NCOA2: variants seen among roughly 807,000 people sequenced by gnomAD.
NCOA2 encodes the protein nuclear receptor coactivator 2.
Under a neutral mutation model 145.1 loss-of-function variants are expected in NCOA2, and 21 were observed. The observed-to-expected ratio is 0.14, with a 90% CI of 0.10 to 0.21. The LOEUF (loss-of-function observed/expected upper bound fraction) is 0.21. Ranked by LOEUF, NCOA2 falls within the 10% of genes least tolerant of loss-of-function variation. The pLI, the probability that NCOA2 is intolerant of heterozygous loss-of-function variation, is 1.00. For synonymous variants in NCOA2, 619 were observed against 637.5 expected, an observed-to-expected ratio of 0.97 and a Z score of 0.44; for missense variants, 1,472 against 1,837.6, an observed-to-expected ratio of 0.80 and a Z score of 3.64.
At chr8:70,238,565 G>A (rs554394082) in intron 2 of NCOA2, among the ~76,000 whole-genome samples, 3 of 152,242 alleles carry the variant, frequency 2.0e-5, no homozygotes, top group Admixed American at 2.0e-4. Context: ...TAACTATCTA[G>A]AAATACGTAA....
At chr8:70,449,163 A>C in the NCOA2 span, among the ~76,000 whole-genome samples, 1 of 152,332 alleles carries the variant, frequency 6.6e-6, no homozygotes, top group Middle Eastern at 3.4e-3. Flanking sequence ...TTATACATTA[A>C]GTGTAAACTG....
chr8:70,130,405 C>T (rs2131553544), intron 16 of NCOA2, among the ~76,000 whole-genome samples: 1 of 152,262 alleles, frequency 6.6e-6, no homozygotes, highest in South Asian at 2.1e-4. Context: ...TTACAAGTCA[C>T]TCAGCAACTC....
chr8:70,365,109 C>T (rs1468394239), intron 1 of NCOA2, among the ~76,000 whole-genome samples: 5 of 152,066 alleles, frequency 3.3e-5, no homozygotes, highest in African/African-American at 1.2e-4. Flanking sequence ...AAGGAGGGTG[C>T]ATCACTTGAA....
At chr8:70,351,810 T>G (rs1809271981) in intron 1 of NCOA2, among the ~76,000 whole-genome samples, 1 of 150,654 alleles carries the variant, frequency 6.6e-6, no homozygotes, top group Non-Finnish European at 1.5e-5. Flanking sequence ...GTCCAGGCTG[T>G]TCTCAAACTC....
chr8:70,225,702 G>A lies in NCOA2; in HGVS notation c.-19-8938C>T, dbSNP rs16936828. Among the ~76,000 whole-genome samples, 1,915 of 152,290 alleles carry A rather than the reference G, an allele frequency of 0.013. 90 individuals are homozygous for A. The East Asian group carries it at 0.16, about 13-fold the overall frequency. ...AAGTCCTCTCAGATGAGTGTTATCT[G>A]AGAGCTTTCTAACAGATCTCTAAGA... On this transcript the variant is annotated intron_variant, in intron 2 of 22. Transcript: ENST00000452400.
At chr8:70,442,131 GAAAGAAAGAAAGAAAGAAAGAAAGAAA>G in the NCOA2 span, among the ~76,000 whole-genome samples, 1 of 123,092 alleles carries the variant, frequency 8.1e-6, no homozygotes, top group South Asian at 2.7e-4. Flanking sequence ...AAGAAAGAAA[GAAAGAAAGAAAGAAAGAAAGAAAGAAA>G]GAAAGAGAAA....
At chr8:70,384,925 G>A (rs1427255111) in intron 1 of NCOA2, among the ~76,000 whole-genome samples, 1 of 152,156 alleles carries the variant, frequency 6.6e-6, no homozygotes, top group Non-Finnish European at 1.5e-5. Context: ...AATGTTAAGG[G>A]ATTGTAATAA....
At chr8:70,363,489 G>A (rs941436442) in intron 1 of NCOA2, among the ~76,000 whole-genome samples, 5 of 151,976 alleles carry the variant, frequency 3.3e-5, no homozygotes, top group Non-Finnish European at 7.4e-5. Context: ...AAATTTGTAG[G>A]CAAAAGTTTA....
chr8:70,306,213 G>A (rs1427507728), intron 1 of NCOA2, among the ~76,000 whole-genome samples: 1 of 152,150 alleles, frequency 6.6e-6, no homozygotes, highest in African/African-American at 2.4e-5. Context: ...CAACTACTGA[G>A]TTTCACAGAT....
intron 1 of NCOA2, among the ~76,000 whole-genome samples, chr8:70,379,447 C>G (rs144879503): frequency 2.1e-3 from 320 of 152,292 alleles, no homozygotes; most frequent in African/African-American, 7.3e-3. Flanking sequence ...AGTTCCCTAG[C>G]AGACTTCTGC....
At chr8:70,329,750 A>G (rs776006859) in intron 1 of NCOA2, among the ~76,000 whole-genome samples, 5 of 152,246 alleles carry the variant, frequency 3.3e-5, no homozygotes, top group Non-Finnish European at 7.3e-5. Flanking sequence ...AAAAGCACTA[A>G]CGCTATATAC....
Position 70,379,925 on chromosome 8 carries a change from C to T in NCOA2, c.-77+23775G>A, listed in dbSNP as rs893070027. On this transcript the variant is annotated intron_variant, in intron 1 of 22. Coordinates refer to ENST00000452400, the MANE Select transcript of NCOA2 (RefSeq NM_006540.4). ...TATAAACTGAAATGCTGTTTTCTCA[C>T]ATTAAATTTCCCACTGAAGGATATA... Among the ~76,000 whole-genome samples, 127 of 152,162 alleles carry T rather than the reference C, an allele frequency of 8.3e-4. 1 individual carries two copies. Among genetic ancestry groups the T allele is most frequent in the African/African-American group, 2.7e-3 (113 of 41,498 alleles).
intron 14 of NCOA2, among the ~76,000 whole-genome samples, chr8:70,140,632 C>T (rs1233698474): frequency 8.5e-6 from 1 of 118,294 alleles, no homozygotes; most frequent in Non-Finnish European, 1.6e-5. Flanking sequence ...CAGAGTCTTG[C>T]TCTGTTGCCC....
At chr8:70,313,836 G>A (rs1371137526) in intron 1 of NCOA2, among the ~76,000 whole-genome samples, 2 of 152,024 alleles carry the variant, frequency 1.3e-5, no homozygotes, top group African/African-American at 4.8e-5. Flanking sequence ...TAATTCAGAA[G>A]GTGATCTGTT....
chr8:70,257,229 A>C (rs906791788), intron 2 of NCOA2, among the ~76,000 whole-genome samples: 2 of 152,214 alleles, frequency 1.3e-5, no homozygotes, highest in East Asian at 1.9e-4. Context: ...TTCATATATC[A>C]GTTACAATAC....
intron 12 of NCOA2, among the ~76,000 whole-genome samples, chr8:70,146,640 T>C (rs1380283278): frequency 6.6e-6 from 1 of 152,012 alleles, no homozygotes; most frequent in Non-Finnish European, 1.5e-5. Context: ...AAACCATAAA[T>C]TCTACACAGT....
chr8:70,363,727 A>T (rs1810424135), intron 1 of NCOA2, among the ~76,000 whole-genome samples: 1 of 152,226 alleles, frequency 6.6e-6, no homozygotes, highest in South Asian at 2.1e-4. Flanking sequence ...AGTGGTTGCC[A>T]GGAACTGAGG....
intron 1 of NCOA2, among the ~76,000 whole-genome samples, chr8:70,299,113 T>A (rs1321535543): frequency 6.6e-6 from 1 of 152,176 alleles, no homozygotes; most frequent in Admixed American, 6.5e-5. Context: ...TTAGGAGATA[T>A]AAAGATACTA....
chr8:70,403,974 A>G (rs1814634291), upstream of NCOA2, among the ~76,000 whole-genome samples: 1 of 152,088 alleles, frequency 6.6e-6, no homozygotes, highest in East Asian at 1.9e-4. Context: ...CCTCCCCGGC[A>G]GTGGCCGCCG....
Sources: allele counts gnomAD v4.1 joint callset (sites outside exome capture counted in the v4.1 genomes callset), GRCh38; gene constraint gnomAD v4.1.1; transcripts MANE v1.5; gene names NCBI Gene and HGNC (gene_info 2026-07-23, HGNC 2026-07-21).